The following NCALD variants were observed in gnomAD, a reference collection of about 807,000 sequenced individuals.
NCALD encodes neurocalcin delta.
A neutral mutation model predicts 18.6 loss-of-function variants in NCALD; 10 were observed. That is an observed-to-expected ratio of 0.54 (90% CI 0.33 to 0.91). The LOEUF (loss-of-function observed/expected upper bound fraction) is 0.91, where lower values mean the gene tolerates loss of function less well. Among genes scored for constraint, NCALD ranks in the 40% least tolerant of loss-of-function variants. The probability of loss-of-function intolerance (pLI) is 0.03; values close to 1 mark genes in which losing one functional copy is unlikely to be tolerated. For missense variants in NCALD, 184 were observed against 247.6 expected, an observed-to-expected ratio of 0.74 and a Z score of 1.72; for synonymous variants, 88 against 87.4, an observed-to-expected ratio of 1.01 and a Z score of -0.04.
intron 2 of NCALD, among the ~76,000 whole-genome samples, chr8:101,919,276 G>C (rs755503743): frequency 6.6e-6 from 1 of 152,138 alleles, no homozygotes; most frequent in Non-Finnish European, 1.5e-5. Context: ...AGAAGCATCG[G>C]GGAAAGGACT....
At chr8:101,702,485 C>G (rs2130161249) in intron 2 of NCALD, among the ~76,000 whole-genome samples, 1 of 152,264 alleles carries the variant, frequency 6.6e-6, no homozygotes, top group South Asian at 2.1e-4. Context: ...CTTCCTCAGC[C>G]TCCCAAAGTG....
intron 1 of NCALD, among the ~76,000 whole-genome samples, chr8:102,057,692 C>T (rs777018925): frequency 6.6e-6 from 1 of 152,244 alleles, no homozygotes; most frequent in African/African-American, 2.4e-5. Flanking sequence ...GTTAAAATTA[C>T]TTCTTTTAAT....
intron 1 of NCALD, among the ~76,000 whole-genome samples, chr8:101,788,023 T>C (rs1376813631): frequency 6.6e-6 from 1 of 152,204 alleles, no homozygotes; most frequent in Non-Finnish European, 1.5e-5. Flanking sequence ...CCAGGGGACA[T>C]AAGACTGTTG....
intron 4 of NCALD, among the ~76,000 whole-genome samples, chr8:101,838,113 G>A (rs1814489583): frequency 6.6e-6 from 1 of 152,148 alleles, no homozygotes. Context: ...CATTTTTGTT[G>A]TGACAACAAC....
chr8:101,895,258 A>C (rs1325887457), intron 3 of NCALD, among the ~76,000 whole-genome samples: 3 of 135,772 alleles, frequency 2.2e-5, no homozygotes, highest in African/African-American at 3.5e-5. Flanking sequence ...GCCAAAGACA[A>C]AAACCACATG....
chr8:101,817,639 A>G (rs763460543), intron 4 of NCALD, among the ~76,000 whole-genome samples: 2 of 152,038 alleles, frequency 1.3e-5, no homozygotes, highest in Middle Eastern at 3.4e-3. Context: ...CCAAGAAGGC[A>G]TTGCCGACAA....
intron 4 of NCALD, among the ~76,000 whole-genome samples, chr8:101,881,829 C>T (rs988331876): frequency 1.6e-4 from 24 of 152,130 alleles, no homozygotes; most frequent in African/African-American, 5.8e-4. Context: ...ATAATATCAT[C>T]TTCAATTTGG....
intron 1 of NCALD, among the ~76,000 whole-genome samples, chr8:102,060,680 G>A (rs1002624844): frequency 1.4e-4 from 22 of 152,072 alleles, no homozygotes; most frequent in Non-Finnish European, 8.8e-5. Context: ...AGGCAAGTAC[G>A]GAAAATTCAA....
intron 1 of NCALD, among the ~76,000 whole-genome samples, chr8:102,063,254 C>T (rs960537175): frequency 6.6e-5 from 10 of 152,190 alleles, no homozygotes; most frequent in Non-Finnish European, 1.2e-4. Flanking sequence ...TGAGCTGCCA[C>T]GTGCTACATA....
At chr8:101,841,658 A>C (rs138226058) in intron 4 of NCALD, among the ~76,000 whole-genome samples, 81 of 152,318 alleles carry the variant, frequency 5.3e-4, no homozygotes, top group Admixed American at 2.5e-3. Context: ...TTGTCCCCAA[A>C]GTTCTGTAAG....
intron 4 of NCALD, among the ~76,000 whole-genome samples, chr8:101,859,737 T>C (rs745630858): frequency 3.9e-5 from 6 of 151,948 alleles, no homozygotes; most frequent in African/African-American, 4.8e-5. Flanking sequence ...ATAAGAAGAG[T>C]AGTGCATTAA....
chr8:102,083,437 G>C (rs1449809127), intron 1 of NCALD, among the ~76,000 whole-genome samples: 1 of 152,198 alleles, frequency 6.6e-6, no homozygotes, highest in East Asian at 1.9e-4. Context: ...TGTGAATGGG[G>C]ATAATGAATC....
At chr8:101,950,739 C>G (rs961027923) in intron 2 of NCALD, among the ~76,000 whole-genome samples, 1 of 152,166 alleles carries the variant, frequency 6.6e-6, no homozygotes, top group African/African-American at 2.4e-5. Context: ...TCCTGTGTAG[C>G]CTGTTGGTCC....
intron 2 of NCALD, among the ~76,000 whole-genome samples, chr8:101,957,702 A>AC (rs1439296734): frequency 6.6e-6 from 1 of 152,144 alleles, no homozygotes; most frequent in Non-Finnish European, 1.5e-5. Context: ...AAGGCCTGAC[A>AC]CCTTGTCTGG....
Position 102,027,381 on chromosome 8 carries a change from T to C in NCALD, c.-209-7092A>G, listed in dbSNP as rs189594081. On this transcript the variant is annotated intron_variant, in intron 1 of 6. Transcript: ENST00000311028. ...TCAAGTTCAAAGTTCCACAGATCTC[T>C]GGGACGGGGCAAAATGCCGCCAGTT... 3.6e-3 allele frequency among the ~76,000 whole-genome samples: 542 copies of C among 152,358 alleles called. 4 individuals carry two copies. Among genetic ancestry groups the C allele is most frequent in the Non-Finnish European group, 3.6e-3 (242 of 68,028 alleles).
chr8:102,001,540 T>G (rs1470285384), intron 2 of NCALD, among the ~76,000 whole-genome samples: 4 of 152,020 alleles, frequency 2.6e-5, no homozygotes, highest in African/African-American at 9.7e-5. Flanking sequence ...ACAAAGATAC[T>G]CCTCGAGAAG....
chr8:101,761,191 A>C (rs1811094587), intron 1 of NCALD, among the ~76,000 whole-genome samples: 1 of 152,168 alleles, frequency 6.6e-6, no homozygotes, highest in Non-Finnish European at 1.5e-5. Flanking sequence ...TTAAGAAAGG[A>C]ATGTGGGATG....
intron 1 of NCALD, among the ~76,000 whole-genome samples, chr8:101,734,378 A>G (rs1178813983): frequency 6.6e-6 from 1 of 152,200 alleles, no homozygotes; most frequent in Non-Finnish European, 1.5e-5. Context: ...AAAAGCATTT[A>G]CTACAATTGG....
chr8:101,822,517 T>C (rs1303839598), intron 4 of NCALD, among the ~76,000 whole-genome samples: 1 of 152,086 alleles, frequency 6.6e-6, no homozygotes, highest in Non-Finnish European at 1.5e-5. Flanking sequence ...GTGGGAGACA[T>C]CGGTGGGCAT....
Sources: gnomAD v4.1 joint callset for allele counts (sites outside exome capture counted in the v4.1 genomes callset) on GRCh38, gnomAD v4.1.1 for gene constraint, MANE v1.5 for transcripts, NCBI Gene and HGNC (gene_info 2026-07-23, HGNC 2026-07-21) for gene names.